TRANK1: variants seen among roughly 807,000 people sequenced by gnomAD.
The protein encoded by TRANK1 is TPR and ankyrin repeat-containing protein 1.
A neutral mutation model predicts 266.0 loss-of-function variants in TRANK1; 198 were observed. The observed-to-expected ratio is 0.74, with a 90% CI of 0.66 to 0.84. The LOEUF is 0.84. Ranked by LOEUF, TRANK1 falls within the 40% of genes least tolerant of loss-of-function variation. TRANK1 has a pLI of 0.00. For synonymous variants in TRANK1, 1,396 were observed against 1,384.1 expected, an observed-to-expected ratio of 1.01 and a Z score of -0.19; for missense variants, 3,326 against 3,634.6, an observed-to-expected ratio of 0.92 and a Z score of 2.18.
chr3:36,913,865 G>A (rs73826913), intron 1 of TRANK1, among the ~76,000 whole-genome samples: 2,156 of 151,668 alleles, frequency 0.014, 55 homozygotes, highest in African/African-American at 0.05. Context: ...CAGTAAAGTG[G>A]CCTGCACTAA....
chr3:36,906,944 T>C (rs2079977714), intron 2 of TRANK1, among the ~76,000 whole-genome samples: 1 of 152,214 alleles, frequency 6.6e-6, no homozygotes, highest in South Asian at 2.1e-4. Flanking sequence ...TAATGTGCCT[T>C]GTTCATACTC....
At chr3:36,914,626 A>ATTAC (rs374080535) in intron 1 of TRANK1, among the ~76,000 whole-genome samples, 1 of 151,036 alleles carries the variant, frequency 6.6e-6, no homozygotes, top group Non-Finnish European at 1.5e-5. Context: ...ATTTTTCTAG[A>ATTAC]TTATTTATTT....
In TRANK1 at chr3:36,857,278, T is replaced by A; in HGVS notation, c.2444A>T (p.Asp815Val). 1 of 1,610,836 alleles carries A rather than the reference T, an allele frequency of 6.2e-7. No homozygotes were observed. The highest frequency in any genetic ancestry group is 1.1e-5 in the South Asian group (1 of 90,514). Residue 815 changes from aspartate to valine, a missense_variant, in exon 13 of 24, where the codon GAT (aspartate) becomes GTT (valine). Physicochemically the swap from Asp to Val is radical, Grantham distance 152. Coordinates refer to ENST00000645898, the MANE Select transcript of TRANK1 (RefSeq NM_001329998.2). The surrounding 1 kb of genome is among the most constrained non-coding windows in gnomAD (Gnocchi z 4.3). ...NRGKEGNDDQDDWSTQEIEAC... is the reference protein window; with the variant it reads ...NRGKEGNDDQVDWSTQEIEAC... ...CTCAATCTCCTGCGTGCTCCAGTCA[T>A]CCTGATCATCATTGCCCTCCTTCCC...
chr3:36,929,290 C>T (rs2080329559), intron 1 of TRANK1: 1 of 152,078 alleles, frequency 6.6e-6, no homozygotes, highest in Non-Finnish European at 1.5e-5. Context: ...TACAGGCACG[C>T]ACTGCCACAC....
intron 1 of TRANK1, among the ~76,000 whole-genome samples, chr3:36,912,053 G>A (rs946084518): frequency 6.6e-6 from 1 of 152,086 alleles, no homozygotes; most frequent in Non-Finnish European, 1.5e-5. Context: ...AGCCAGGCAT[G>A]GTAGTGCATG....
intron 17 of TRANK1, among the ~76,000 whole-genome samples, chr3:36,842,988 A>G (rs1028728210): frequency 6.6e-6 from 1 of 152,252 alleles, no homozygotes; most frequent in Non-Finnish European, 1.5e-5. Context: ...AAGAGAGCAC[A>G]GAGGAAAGAC....
In TRANK1 at chr3:36,838,494, A is replaced by T. The variant is rs752788471; in HGVS notation, c.5395T>A (p.Leu1799Met). ...SKKVSPKEKQ[L>M]EYLELAKTYL... ...GTCTTAGCCAATTCCAAATATTCCA[A>T]CTGCTTTTCCCTAGGGGAAGGAAAA... The change falls in exon 20 of 24, where the codon TTG (leucine) becomes ATG (methionine). Residue 1799 changes from leucine (L) to methionine (M), a missense_variant. Leu to Met is a conservative substitution (Grantham distance 15). Coordinates refer to ENST00000645898, the MANE Select transcript of TRANK1 (RefSeq NM_001329998.2). 1.2e-6 allele frequency: 2 copies of T among 1,613,990 alleles called. No homozygotes were observed. Among genetic ancestry groups the T allele is most frequent in the Non-Finnish European group, 1.7e-6 (2 of 1,179,902 alleles).
At chr3:36,877,200 T>TAG (rs2079402548) in intron 8 of TRANK1, among the ~76,000 whole-genome samples, 2 of 152,124 alleles carry the variant, frequency 1.3e-5, no homozygotes, top group Non-Finnish European at 2.9e-5. Context: ...GCTTTCAAAA[T>TAG]CCAAATGCAT....
At position 36,838,376 on chromosome 3, in the gene TRANK1, C is replaced by T; in HGVS notation, c.5513G>A (p.Gly1838Glu). 1 of 1,613,950 alleles carries T rather than the reference C, an allele frequency of 6.2e-7. No homozygotes were observed. Among genetic ancestry groups the T allele is most frequent in the Non-Finnish European group, 8.5e-7 (1 of 1,179,862 alleles). Residue 1838 changes from glycine to glutamate, a missense_variant, in exon 20 of 24, where the codon GGA becomes GAA. Coordinates refer to ENST00000645898, the MANE Select transcript of TRANK1 (RefSeq NM_001329998.2). Reference protein sequence around the residue: ...QLSAQLCERLGKIRDAAYFYK... With the variant: ...QLSAQLCERLEKIRDAAYFYK... ...GCAGCGGACTAGGAGCCATACCTTT[C>T]CCAGCCTCTCGCACAGCTGGGCAGA...
Position 36,831,546 on chromosome 3 carries a change from C to T in TRANK1, c.8037G>A (p.Val2679=). ...CACACTCAGGTTCAGCAAAGTAGTC[C>T]ACAGGGTCCAAACAGAGCAGGCGGT... The part of the protein sequence containing the change: ...RLNRLLCLDP[V]DYFAEPECEF... Residue 2679 remains valine (V), a synonymous_variant, in exon 22 of 24, where the codon GTG becomes GTA. Coordinates refer to ENST00000645898, the MANE Select transcript of TRANK1 (RefSeq NM_001329998.2). The surrounding 1 kb of genome is among the most constrained non-coding windows in gnomAD (Gnocchi z 5.0). 6.2e-7 allele frequency: 1 copy of T among 1,613,478 alleles called. No homozygotes were observed. The highest frequency in any genetic ancestry group is 8.5e-7 in the Non-Finnish European group (1 of 1,179,668).
At chr3:36,896,458 G>A (rs2079791164) in intron 4 of TRANK1, among the ~76,000 whole-genome samples, 1 of 152,186 alleles carries the variant, frequency 6.6e-6, no homozygotes, top group Non-Finnish European at 1.5e-5. Context: ...ATGACACAAA[G>A]TTTCCCATAA....
At position 36,856,485 on chromosome 3, in the gene TRANK1, G is replaced by T; in HGVS notation, c.3237C>A (p.Gly1079=). ...ACAAGCAGCAGGTTGTCTTCCCAGTGCCACTTCGCCCAATAAGGATGATGG... is the reference window on the plus strand; with the variant it reads ...ACAAGCAGCAGGTTGTCTTCCCAGTTCCACTTCGCCCAATAAGGATGATGG... The part of the protein sequence containing the change: ...LEPIILIGRS[G]TGKTTCCLYR... The change falls in exon 13 of 24, where the codon GGC becomes GGA. Residue 1079 remains glycine (G), a synonymous_variant. Transcript: ENST00000645898. 1 of 1,613,992 alleles carries T rather than the reference G, an allele frequency of 6.2e-7. No individual in the cohort carries two copies.
chr3:36,936,257 G>A (rs2080424242), intron 1 of TRANK1, among the ~76,000 whole-genome samples: 1 of 152,160 alleles, frequency 6.6e-6, no homozygotes, highest in Non-Finnish European at 1.5e-5. Context: ...GGCCAAAGTG[G>A]AAGGATGGCT....
intron 1 of TRANK1, among the ~76,000 whole-genome samples, chr3:36,913,739 A>C (rs767945523): frequency 5.9e-5 from 9 of 152,094 alleles, no homozygotes; most frequent in Non-Finnish European, 1.0e-4. Context: ...CCCCTGGAAA[A>C]GTATGTGGTG....
intron 8 of TRANK1, among the ~76,000 whole-genome samples, chr3:36,875,643 GC>G (rs2079376982): frequency 6.6e-6 from 1 of 152,202 alleles, no homozygotes; most frequent in Non-Finnish European, 1.5e-5. Flanking sequence ...ATAGTATACT[GC>G]CCCAAAGGGG....
At chr3:36,849,893 T>C in intron 15 of TRANK1, 1 of 420,404 alleles carries the variant, frequency 2.4e-6, no homozygotes, top group Non-Finnish European at 3.2e-6. Context: ...GTACACAGGA[T>C]GAAGTGGATG....
chr3:36,846,462 C>T, intron 16 of TRANK1, 58 bp from the exon 17 acceptor site: 3 of 1,545,910 alleles, frequency 1.9e-6, no homozygotes, highest in African/African-American at 1.4e-5. Flanking sequence ...TACAAAGTGA[C>T]ACACTTCAAT....
At chr3:36,879,571 T>TATAAATATAC (rs1172220655) in intron 8 of TRANK1, among the ~76,000 whole-genome samples, 1 of 105,516 alleles carries the variant, frequency 9.5e-6, no homozygotes, top group Non-Finnish European at 1.8e-5. Flanking sequence ...TATAAATATA[T>TATAAATATAC]AAATATATAT....
chr3:36,874,440 G>T, intron 8 of TRANK1, 144 bp from the exon 9 acceptor site: 1 of 815,274 alleles, frequency 1.2e-6, no homozygotes, highest in Admixed American at 3.1e-5. Flanking sequence ...TGCACTGCTA[G>T]CCTCAGGTAG....
Sources: gnomAD v4.1 joint callset for allele counts (sites outside exome capture counted in the v4.1 genomes callset) on GRCh38, gnomAD v4.1.1 for gene constraint, Gnocchi (gnomAD v3.1) non-coding constraint, MANE v1.5 for transcripts, NCBI Gene and HGNC (gene_info 2026-07-23, HGNC 2026-07-21) for gene names.